SDK2: variants seen among roughly 807,000 people sequenced by gnomAD.
SDK2 encodes protein sidekick-2.
A neutral mutation model predicts 253.9 loss-of-function variants in SDK2; 105 were observed. That is an observed-to-expected ratio of 0.41 (90% confidence interval 0.35 to 0.49). The LOEUF (loss-of-function observed/expected upper bound fraction) is 0.49, where lower values mean the gene tolerates loss of function less well. SDK2 is among the 20% of genes least tolerant of loss of function. SDK2 has a pLI of 0.06. For missense variants in SDK2, 2,608 were observed against 3,003.0 expected (o/e 0.87, Z 3.07); for synonymous variants, 1,249 against 1,234.9 (o/e 1.01, Z -0.24).
chr17:73,401,970 G>T lies in SDK2; in HGVS notation c.2656C>A (p.Gln886Lys), dbSNP rs756338701. The T allele has an allele frequency of 1.9e-6, 3 of 1,611,818 alleles. No individual in the cohort carries two copies. Among genetic ancestry groups the T allele is most frequent in the Admixed American group, 1.7e-5 (1 of 59,766 alleles). ...CCATCCTCATGGGTGCGCACCAGCT[G>T]CGGGGTGCTGCGTGGCCCGTCCCCG... Reference protein sequence around the residue: ...TPGDGPRSTPQLVRTHEDVPG... With the variant: ...TPGDGPRSTPKLVRTHEDVPG... The change falls in exon 19 of 45, where the codon CAG (glutamine) becomes AAG (lysine). Residue 886 changes from glutamine to lysine, a missense_variant. Coordinates refer to ENST00000392650, the MANE Select transcript of SDK2 (RefSeq NM_001144952.2).
intron 4 of SDK2, among the ~76,000 whole-genome samples, chr17:73,452,708 C>A (rs2063497803): frequency 1.3e-5 from 2 of 152,210 alleles, no homozygotes. Context: ...GCTAATCAAT[C>A]ATGATATTCA....
chr17:73,339,215 T>G (rs1424696167), intron 44 of SDK2, among the ~76,000 whole-genome samples: 1 of 36,816 alleles, frequency 2.7e-5, no homozygotes. Context: ...AGACCTGAGT[T>G]TTTTTTTGTT....
At chr17:73,603,672 C>T (rs1047810904) in intron 1 of SDK2, among the ~76,000 whole-genome samples, 8 of 152,218 alleles carry the variant, frequency 5.3e-5, no homozygotes, top group Non-Finnish European at 1.2e-4. Flanking sequence ...TATAGCTTCT[C>T]CTTAAAGCTA....
intron 1 of SDK2, among the ~76,000 whole-genome samples, chr17:73,602,811 C>T (rs2045859248): frequency 6.6e-6 from 1 of 152,054 alleles, no homozygotes; most frequent in Non-Finnish European, 1.5e-5. Flanking sequence ...ACTGCAAGCT[C>T]CACCTCCCAG....
chr17:73,367,094 C>A (rs2062691357), intron 37 of SDK2, among the ~76,000 whole-genome samples: 1 of 152,090 alleles, frequency 6.6e-6, no homozygotes, highest in Admixed American at 6.5e-5. Flanking sequence ...ACCTCCACCT[C>A]CCAGGTTCAA....
chr17:73,399,263 C>T lies in SDK2; in HGVS notation c.2998G>A (p.Gly1000Ser). ...PELPGPPTNL[G>S]ISNIGPRSVT... is the part of the protein sequence containing the mutation. Reference sequence around the variant, plus strand: ...GAGCGGGGGCCGATGTTGGAAATGCCCAGGTTGGTGGGGGGCCCTGGGAGT... The same window carrying T: ...GAGCGGGGGCCGATGTTGGAAATGCTCAGGTTGGTGGGGGGCCCTGGGAGT... Residue 1000 changes from glycine (G) to serine (S), a missense_variant, in exon 22 of 45, where the codon GGC (glycine) becomes AGC (serine). By Grantham distance (56) the Gly-to-Ser change is moderately conservative (BLOSUM62 0). Coordinates refer to ENST00000392650, the MANE Select transcript of SDK2 (RefSeq NM_001144952.2). 6.2e-7 allele frequency: 1 copy of T among 1,613,776 alleles called. No individual in the cohort carries two copies. The highest frequency in any genetic ancestry group is 8.5e-7 in the Non-Finnish European group (1 of 1,179,772).
chr17:73,403,485 A>C (rs542807179), intron 18 of SDK2, among the ~76,000 whole-genome samples: 1 of 147,008 alleles, frequency 6.8e-6, no homozygotes, highest in Admixed American at 7.0e-5. Context: ...TAGGCCCTTC[A>C]TCTGTCTCCA....
chr17:73,643,901 A>C lies in SDK2; in HGVS notation c.64+124T>G. Reference sequence around the variant, plus strand: ...TGGGGTGTCTTGAAACTCCCTGGAGAGGGCTCTGCCACGGCTAAGCCGGGT... The same window carrying C: ...TGGGGTGTCTTGAAACTCCCTGGAGCGGGCTCTGCCACGGCTAAGCCGGGT... On this transcript the variant is annotated intron_variant, in intron 1 of 44. Coordinates refer to ENST00000392650, the MANE Select transcript of SDK2 (RefSeq NM_001144952.2). The surrounding 1 kb of genome is among the most constrained non-coding windows in gnomAD (Gnocchi z 6.9). The C allele has an allele frequency of 1.2e-6, 1 of 814,642 alleles. No homozygotes were observed. Among genetic ancestry groups the C allele is most frequent in the Non-Finnish European group, 2.0e-6 (1 of 504,462 alleles). The allele number at this position is 814,642 out of a possible 1,614,324, so 50.5% of individuals were successfully genotyped here. A position where few individuals can be genotyped will look rare whatever the true frequency, so the allele number is the denominator to read the frequency against.
At chr17:73,523,248 G>A (rs1245935958) in intron 1 of SDK2, among the ~76,000 whole-genome samples, 2 of 151,788 alleles carry the variant, frequency 1.3e-5, no homozygotes, top group African/African-American at 2.4e-5. Flanking sequence ...AGGATGTCTG[G>A]TTATGCCAGG....
At chr17:73,412,045 TGTATATACGTATATGTATATATAC>T (rs1568389298) in intron 18 of SDK2, among the ~76,000 whole-genome samples, 423 of 4,852 alleles carry the variant, frequency 0.087, 1 homozygote, top group Non-Finnish European at 0.26. Flanking sequence ...CGTATATATA[TGTATATACGTATATGTATATATAC>T]GTATATATGT....
At chr17:73,386,200 C>T (rs185459826) in intron 31 of SDK2, among the ~76,000 whole-genome samples, 10 of 152,304 alleles carry the variant, frequency 6.6e-5, no homozygotes, top group South Asian at 2.1e-4. Flanking sequence ...ACTCCTGTCC[C>T]GCTCACTGGC....
intron 16 of SDK2, 59 bp from the exon 17 acceptor site, chr17:73,416,051 A>G: frequency 6.7e-7 from 1 of 1,501,570 alleles, no homozygotes; most frequent in Non-Finnish European, 9.0e-7. Flanking sequence ...CCTCGTACCC[A>G]GGAAATTGTC....
rs1458373238 is a variant in SDK2, at chr17:73,513,296, T to C, written c.65-5699A>G. ...AAAGATTAACAAACCAATAGAAAAA[T>C]GGGCAAAGGATATGAAGTTCGCAGA... On this transcript the variant is annotated intron_variant, in intron 1 of 44. Transcript: ENST00000392650. 3.3e-5 allele frequency among the ~76,000 whole-genome samples: 5 copies of C among 151,958 alleles called. No individual in the cohort carries two copies. In the East Asian group the frequency reaches 9.6e-4, roughly 29 times the overall value.
chr17:73,503,236 C>T (rs138291484), intron 2 of SDK2, among the ~76,000 whole-genome samples: 388 of 152,336 alleles, frequency 2.5e-3, no homozygotes, highest in South Asian at 4.4e-3. Context: ...CCATGAAGGA[C>T]ACTGGGATAA....
chr17:73,463,585 G>T (rs2063578381), intron 3 of SDK2, among the ~76,000 whole-genome samples: 1 of 152,034 alleles, frequency 6.6e-6, no homozygotes, highest in Non-Finnish European at 1.5e-5. Flanking sequence ...ATGTGCCTTT[G>T]CTTTCCTTTC....
At chr17:73,404,425 C>G (rs2063054188) in intron 18 of SDK2, among the ~76,000 whole-genome samples, 1 of 152,144 alleles carries the variant, frequency 6.6e-6, no homozygotes, top group Admixed American at 6.5e-5. Context: ...CTTCAGTGCT[C>G]AGCTCAACAC....
rs2063458934 is a variant in SDK2 at position 73,447,243 on chromosome 17, C to T, written c.613+372G>A. On this transcript the variant is annotated intron_variant, in intron 5 of 44. Coordinates refer to ENST00000392650, the MANE Select transcript of SDK2 (RefSeq NM_001144952.2). The surrounding 1 kb of genome is among the most constrained non-coding windows in gnomAD (Gnocchi z 4.0). ...AAACAAGCTTCAGCCCTGCAATCACCCACATGCCCTCCTGGTCAGCATCTG... is the reference window on the plus strand; with the variant it reads ...AAACAAGCTTCAGCCCTGCAATCACTCACATGCCCTCCTGGTCAGCATCTG... Among the ~76,000 whole-genome samples the T allele has an allele frequency of 6.6e-6, 1 of 152,030 alleles. No individual in the cohort carries two copies. Among genetic ancestry groups the T allele is most frequent in the South Asian group, 2.1e-4 (1 of 4,830 alleles).
intron 17 of SDK2, among the ~76,000 whole-genome samples, chr17:73,415,412 G>A (rs2063172127): frequency 6.7e-6 from 1 of 148,752 alleles, no homozygotes; most frequent in Non-Finnish European, 1.5e-5. Flanking sequence ...AAGTGCAGTG[G>A]CACGATCTCA....
chr17:73,336,889 A>C lies in SDK2; in HGVS notation c.*1698T>G, dbSNP rs1170617622. 6.6e-6 allele frequency: 1 copy of C among 152,632 alleles called. No homozygotes were observed. Among genetic ancestry groups the C allele is most frequent in the East Asian group, 1.9e-4 (1 of 5,198 alleles). The allele number at this position is 152,632 out of a possible 1,614,324, so 9.5% of individuals were successfully genotyped here. A position where few individuals can be genotyped will look rare whatever the true frequency, so the allele number is the denominator to read the frequency against. ...GTGGGGCAGGTGTTGGGCTGGCCTT[A>C]CAGGGCTGGCTGAGGGCACAGAGGG... On this transcript the variant is annotated 3_prime_UTR_variant, in exon 45 of 45. Transcript: ENST00000392650.
Sources: allele counts gnomAD v4.1 joint callset (sites outside exome capture counted in the v4.1 genomes callset), GRCh38; gene constraint gnomAD v4.1.1; non-coding constraint Gnocchi (gnomAD v3.1); transcripts MANE v1.5; gene names NCBI Gene and HGNC (gene_info 2026-07-23, HGNC 2026-07-21).